STIM2: variants seen among roughly 807,000 people sequenced by gnomAD.
STIM2 encodes stromal interaction molecule 2.
STIM2 carries 31 observed loss-of-function variants against 85.8 expected under a neutral mutation model. That is an observed-to-expected ratio of 0.36 (90% CI 0.27 to 0.49). The LOEUF (loss-of-function observed/expected upper bound fraction) is 0.49, where lower values mean the gene tolerates loss of function less well. STIM2 is among the 20% of genes least tolerant of loss of function. The pLI is 0.98. For synonymous variants in STIM2, 356 were observed against 331.1 expected (o/e 1.08, Z -0.82); for missense variants, 841 against 927.6 (o/e 0.91, Z 1.21).
chr4:26,952,080 A>G (rs1038827906), intron 2 of STIM2, among the ~76,000 whole-genome samples: 3 of 152,152 alleles, frequency 2.0e-5, no homozygotes, highest in African/African-American at 7.2e-5. Flanking sequence ...AGTATGGGGG[A>G]AACTGCCCCC....
chr4:26,892,627 G>T (rs1343411857), intron 1 of STIM2, among the ~76,000 whole-genome samples: 2 of 152,078 alleles, frequency 1.3e-5, no homozygotes, highest in African/African-American at 2.4e-5. Context: ...TAAGCTTAGA[G>T]TAATTGCAGT....
chr4:26,865,996 T>G (rs1049190915), intron 1 of STIM2, among the ~76,000 whole-genome samples: 2 of 152,134 alleles, frequency 1.3e-5, no homozygotes, highest in Admixed American at 1.3e-4. Context: ...ACTGTTTTTT[T>G]TTTTCCTTCT....
In STIM2 at chr4:27,007,657, A is replaced by G; in HGVS notation, c.1106A>G (p.Lys369Arg). 1 of 1,592,356 alleles carries G rather than the reference A, an allele frequency of 6.3e-7. No homozygotes were observed. Among genetic ancestry groups the G allele is most frequent in the Non-Finnish European group, 8.5e-7 (1 of 1,172,000 alleles). The change falls in exon 8 of 12, where the codon AAA becomes AGA. Residue 369 changes from lysine to arginine, a missense_variant. Around this residue, in one of 3 missense-constraint regions of STIM2, gnomAD observed 408 missense variants for 525.4 expected, o/e 0.78. Coordinates refer to ENST00000467087, the MANE Select transcript of STIM2 (RefSeq NM_020860.4). ...GTAGAAGTGCAATACTACAATATTA[A>G]AAGACAAAACGCTGAAATGCAGCTA...
At chr4:27,010,677 A>T (rs775033566) in intron 10 of STIM2, among the ~76,000 whole-genome samples, 15 of 150,658 alleles carry the variant, frequency 1.0e-4, no homozygotes, top group Admixed American at 3.3e-4. Context: ...AGCAGTTAAA[A>T]TTTTTTTTTT....
chr4:26,945,896 A>C (rs1205509396), intron 2 of STIM2, among the ~76,000 whole-genome samples: 1 of 152,170 alleles, frequency 6.6e-6, no homozygotes, highest in East Asian at 1.9e-4. Flanking sequence ...ACTGCTCTAG[A>C]AAATAAAGTC....
chr4:26,972,443 G>A (rs140321077), intron 3 of STIM2, among the ~76,000 whole-genome samples: 3,004 of 152,162 alleles, frequency 0.02, 36 homozygotes, highest in Non-Finnish European at 0.027. Flanking sequence ...GAGAGTTTTT[G>A]GCATGAAGGG....
At chr4:26,932,619 T>C (rs1295680874) in intron 2 of STIM2, among the ~76,000 whole-genome samples, 1 of 152,238 alleles carries the variant, frequency 6.6e-6, no homozygotes, top group African/African-American at 2.4e-5. Context: ...AATAAGCATC[T>C]AATAAATGTT....
Position 26,944,454 on chromosome 4 carries a change from T to A in STIM2, c.283-13158T>A, listed in dbSNP as rs966432051. Reference sequence around the variant, plus strand: ...CTCTCTGAGGGTAGGGATTTTTGTTTCTTTTGTCTTGCTCTATTCCCACCA... The same window carrying A: ...CTCTCTGAGGGTAGGGATTTTTGTTACTTTTGTCTTGCTCTATTCCCACCA... On this transcript the variant is annotated intron_variant, in intron 2 of 11. Transcript: ENST00000467087. Among the ~76,000 whole-genome samples, 7 of 152,264 alleles carry A rather than the reference T, an allele frequency of 4.6e-5. No individual in the cohort carries two copies. In the East Asian group the frequency reaches 1.3e-3, roughly 29 times the overall value.
intron 2 of STIM2, among the ~76,000 whole-genome samples, chr4:26,928,842 A>G (rs1725091919): frequency 6.6e-6 from 1 of 152,224 alleles, no homozygotes; most frequent in South Asian, 2.1e-4. Flanking sequence ...TAGGCTTAAA[A>G]AGTAGAGCTT....
At chr4:26,962,821 G>A (rs1726533768) in intron 3 of STIM2, among the ~76,000 whole-genome samples, 1 of 152,096 alleles carries the variant, frequency 6.6e-6, no homozygotes, top group Admixed American at 6.6e-5. Context: ...AAGATTTAGA[G>A]ACTATAGTAG....
intron 1 of STIM2, among the ~76,000 whole-genome samples, chr4:26,893,657 A>G (rs756237468): frequency 3.9e-5 from 6 of 152,182 alleles, no homozygotes; most frequent in Non-Finnish European, 5.9e-5. Flanking sequence ...GTGTGTAACC[A>G]AGGAGGTTGC....
intron 3 of STIM2, among the ~76,000 whole-genome samples, chr4:26,977,269 A>G (rs529277747): frequency 5.3e-5 from 8 of 152,310 alleles, no homozygotes; most frequent in African/African-American, 1.9e-4. Context: ...AGGAATGGGA[A>G]GAGTGGTGGG....
intron 2 of STIM2, among the ~76,000 whole-genome samples, chr4:26,921,914 T>C (rs1724811683): frequency 6.6e-6 from 1 of 152,196 alleles, no homozygotes; most frequent in African/African-American, 2.4e-5. Context: ...CGATTAGAGC[T>C]CAGTCAGTAC....
chr4:26,936,750 C>G (rs1374522635), intron 2 of STIM2, among the ~76,000 whole-genome samples: 1 of 152,182 alleles, frequency 6.6e-6, no homozygotes, highest in African/African-American at 2.4e-5. Flanking sequence ...CTTCTGAAAT[C>G]ATTTCATAGT....
rs534041831 is a variant in STIM2 at position 26,893,292 on chromosome 4, ACTGCCAGAGTTGTCATT to A, written c.152-26211_152-26195del. ...CCTCTTCTTAATCACAACCTCTCCT[ACTGCCAGAGTTGTCATT>A]ATTTCTGTCATGATACTTTCCTTTC... On this transcript the variant is annotated intron_variant, in intron 1 of 11. Transcript: ENST00000467087. Among the ~76,000 whole-genome samples the A allele has an allele frequency of 5.3e-5, 8 of 152,228 alleles. No homozygotes were observed. The South Asian group carries it at 1.2e-3, about 24-fold the overall frequency.
intron 1 of STIM2, among the ~76,000 whole-genome samples, chr4:26,862,818 G>A (rs1722267746): frequency 6.6e-6 from 1 of 152,144 alleles, no homozygotes; most frequent in Non-Finnish European, 1.5e-5. Flanking sequence ...TAAAAATGTG[G>A]CAAGTAACAG....
chr4:26,970,005 T>C (rs922381083), intron 3 of STIM2, among the ~76,000 whole-genome samples: 3 of 151,852 alleles, frequency 2.0e-5, no homozygotes, highest in Non-Finnish European at 4.4e-5. Flanking sequence ...TGTCTAAGTC[T>C]TTTTTAAATA....
chr4:26,906,982 A>G (rs988715373), intron 1 of STIM2, among the ~76,000 whole-genome samples: 26 of 151,466 alleles, frequency 1.7e-4, no homozygotes, highest in African/African-American at 5.9e-4. Context: ...AAAAAAAAAA[A>G]AGAATATGCA....
chr4:26,893,061 C>G (rs1160322792), intron 1 of STIM2, among the ~76,000 whole-genome samples: 1 of 152,216 alleles, frequency 6.6e-6, no homozygotes, highest in Non-Finnish European at 1.5e-5. Flanking sequence ...GTTAGAATCA[C>G]TACCCCTGCA....
Sources: gnomAD v4.1 joint callset for allele counts (sites outside exome capture counted in the v4.1 genomes callset) on GRCh38, gnomAD v4.1.1 for gene constraint, gnomAD v4.1.1 regional missense constraint, MANE v1.5 for transcripts, NCBI Gene and HGNC (gene_info 2026-07-23, HGNC 2026-07-21) for gene names.